TRAF1: variants seen among roughly 807,000 people sequenced by gnomAD.
TRAF1 encodes the protein TNF receptor-associated factor 1.
Under a neutral mutation model 40.9 loss-of-function variants are expected in TRAF1, and 23 were observed. The ratio of observed to expected loss-of-function variants is 0.56; its 90% CI spans 0.40 to 0.80. The LOEUF is 0.80. TRAF1 is among the 30% of genes least tolerant of loss of function. The probability of loss-of-function intolerance (pLI) is 0.00; values close to 1 mark genes in which losing one functional copy is unlikely to be tolerated. For synonymous variants in TRAF1, 206 were observed against 218.8 expected, an observed-to-expected ratio of 0.94 and a Z score of 0.52; for missense variants, 477 against 528.7, an observed-to-expected ratio of 0.90 and a Z score of 0.96.
rs1367393179 is a variant in TRAF1 at position 120,903,025 on chromosome 9, C to T, written c.*1995G>A. The T allele has an allele frequency of 6.6e-6, 1 of 152,112 alleles. No homozygotes were observed. Among genetic ancestry groups the T allele is most frequent in the Non-Finnish European group, 1.5e-5 (1 of 68,042 alleles). The allele number at this position is 152,112 out of a possible 1,614,324, so 9.4% of individuals were successfully genotyped here. ...CTCATGGGGGCTTGTTCTACAAATC[C>T]CCCCTTGGGCTCAACACTCGGTGAG... On this transcript the variant is annotated 3_prime_UTR_variant, in exon 8 of 8. Transcript: ENST00000373887.
chr9:120,919,652 C>A (rs117496807), intron 3 of TRAF1, among the ~76,000 whole-genome samples: 1 of 152,182 alleles, frequency 6.6e-6, no homozygotes, highest in South Asian at 2.1e-4. Context: ...ACTGTCCGCC[C>A]GTTCCTGCCC....
intron 3 of TRAF1, among the ~76,000 whole-genome samples, chr9:120,916,381 T>C (rs2046569714): frequency 1.3e-5 from 2 of 152,160 alleles, no homozygotes; most frequent in Admixed American, 6.5e-5. Context: ...GGCGGTTACA[T>C]GATTATTTAT....
Position 120,909,298 on chromosome 9 carries a change from G to C in TRAF1, c.964C>G (p.Leu322Val). The change falls in exon 7 of 8, where the codon CTG becomes GTG. Residue 322 changes from leucine to valine, a missense_variant. Physicochemically the swap from Leu to Val is conservative, Grantham distance 32. Coordinates refer to ENST00000373887, the MANE Select transcript of TRAF1 (RefSeq NM_005658.5). Reference protein sequence around the residue: ...NGDGTGKRTHLSLFIVIMRGE... With the variant: ...NGDGTGKRTHVSLFIVIMRGE... The stretch of plus-strand genomic sequence containing the variant: ...CTCATGATCACGATGAAGAGCGACA[G>C]ATGGGTTCTCTTTCCAGTGCCATCT... 1 of 1,614,212 alleles carries C rather than the reference G, an allele frequency of 6.2e-7. No individual in the cohort carries two copies. The highest frequency in any genetic ancestry group is 1.3e-5 in the African/African-American group (1 of 75,068).
chr9:120,915,973 A>G (rs555448685), intron 3 of TRAF1, among the ~76,000 whole-genome samples: 19 of 152,240 alleles, frequency 1.2e-4, no homozygotes, highest in Non-Finnish European at 2.6e-4. Context: ...ACTCCTAGGA[A>G]TTTACCTAAG....
At position 120,903,919 on chromosome 9, in the gene TRAF1, G is replaced by A. The variant is rs534577253; in HGVS notation, c.*1101C>T. 6.6e-6 allele frequency: 1 copy of A among 152,314 alleles called. No individual in the cohort carries two copies. Among genetic ancestry groups the A allele is most frequent in the South Asian group, 2.1e-4 (1 of 4,824 alleles). 9.4% of individuals were successfully genotyped at this position (152,314 alleles called of 1,614,324 possible). On this transcript the variant is annotated 3_prime_UTR_variant, in exon 8 of 8. Transcript: ENST00000373887. ...ACTCAGCAATGGCCTTTTCAAACCT[G>A]GCTCAGTACAAACAACTCCCAAACC...
intron 5 of TRAF1, among the ~76,000 whole-genome samples, chr9:120,913,057 T>C (rs550051713): frequency 6.6e-6 from 1 of 152,256 alleles, no homozygotes; most frequent in East Asian, 1.9e-4. Context: ...GAGTGGAATA[T>C]GTCCTGCACT....
rs2046640250 is a variant in TRAF1 at position 120,926,261 on chromosome 9, C to G, written c.-186G>C. 1.9e-6 allele frequency: 1 copy of G among 535,084 alleles called. No homozygotes were observed. Among genetic ancestry groups the G allele is most frequent in the Non-Finnish European group, 3.0e-6 (1 of 329,842 alleles). The allele number at this position is 535,084 out of a possible 1,614,324, so 33.1% of individuals were successfully genotyped here. On this transcript the variant is annotated 5_prime_UTR_variant, in exon 2 of 8. Transcript: ENST00000373887. ...CACAGCAGGGATGGAGCAGGAATTA[C>G]CCTTTGTGGCGATAAAAATCCCCTG...
chr9:120,911,590 T>C (rs1315377814), intron 5 of TRAF1, 77 bp from the exon 6 acceptor site: 3 of 1,528,086 alleles, frequency 2.0e-6, no homozygotes, highest in Non-Finnish European at 2.7e-6. Context: ...ATGTGGAGAT[T>C]GATCTGCCCC....
chr9:120,907,017 C>G (rs2046488114), intron 7 of TRAF1, among the ~76,000 whole-genome samples: 1 of 152,146 alleles, frequency 6.6e-6, no homozygotes, highest in African/African-American at 2.4e-5. Flanking sequence ...TACAGGCACA[C>G]ATCACAATGC....
intron 5 of TRAF1, among the ~76,000 whole-genome samples, chr9:120,912,500 CA>C (rs2046535283): frequency 6.6e-6 from 1 of 151,862 alleles, no homozygotes; most frequent in Non-Finnish European, 1.5e-5. Context: ...ACTAAAAATA[CA>C]AAAAATTTAG....
intron 3 of TRAF1, among the ~76,000 whole-genome samples, chr9:120,923,066 T>C (rs1044786220): frequency 3.9e-5 from 6 of 152,170 alleles, no homozygotes; most frequent in African/African-American, 1.4e-4. Context: ...ATCAAACTCC[T>C]GGGCTCAAGC....
At chr9:120,906,048 T>A (rs4837799) in intron 7 of TRAF1, among the ~76,000 whole-genome samples, 13 of 152,018 alleles carry the variant, frequency 8.6e-5, no homozygotes, top group African/African-American at 2.4e-4. Context: ...GCGGCACACC[T>A]GCCCTGCCCC....
chr9:120,913,788 A>G (rs774902574), intron 4 of TRAF1, 50 bp from the exon 5 acceptor site: 7 of 1,509,722 alleles, frequency 4.6e-6, no homozygotes, highest in Admixed American at 4.4e-5. Context: ...GAGTGAGGAC[A>G]GGGGAGCAGT....
At chr9:120,919,991 A>G (rs1036702136) in intron 3 of TRAF1, among the ~76,000 whole-genome samples, 9 of 152,182 alleles carry the variant, frequency 5.9e-5, no homozygotes, top group African/African-American at 1.4e-4. Context: ...AATATTACCT[A>G]TTGGTAAAAT....
At chr9:120,916,031 T>C (rs2046567071) in intron 3 of TRAF1, among the ~76,000 whole-genome samples, 2 of 152,250 alleles carry the variant, frequency 1.3e-5, no homozygotes, top group Non-Finnish European at 2.9e-5. Flanking sequence ...TGAATGTTCA[T>C]GGCGGCTTTG....
At chr9:120,909,859 C>T (rs927901813) in intron 6 of TRAF1, among the ~76,000 whole-genome samples, 1 of 152,226 alleles carries the variant, frequency 6.6e-6, no homozygotes, top group African/African-American at 2.4e-5. Flanking sequence ...TTTCTTTCTG[C>T]TGCCCTATGC....
chr9:120,906,338 C>T (rs2046482706), intron 7 of TRAF1, among the ~76,000 whole-genome samples: 2 of 152,038 alleles, frequency 1.3e-5, no homozygotes, highest in Non-Finnish European at 2.9e-5. Context: ...TACCACTATG[C>T]CCAGATAATT....
In TRAF1 at chr9:120,905,274, C is replaced by T. The variant is rs373197541; in HGVS notation, c.1033-36G>A. On this transcript the variant is annotated intron_variant, in intron 7 of 7. Coordinates refer to ENST00000373887, the MANE Select transcript of TRAF1 (RefSeq NM_005658.5). The stretch of plus-strand genomic sequence containing the variant: ...GGGATAGGTGGGAGATCAGGCCCTA[C>T]AGCAGCAGCGCAGCTTGGAGGCCCA... The T allele has an allele frequency of 5.1e-5, 80 of 1,566,470 alleles. No homozygotes were observed. In the African/African-American group the frequency reaches 9.9e-4, roughly 19 times the overall value.
chr9:120,907,081 C>T (rs113005092), intron 7 of TRAF1, among the ~76,000 whole-genome samples: 523 of 152,100 alleles, frequency 3.4e-3, no homozygotes, highest in African/African-American at 0.011. Flanking sequence ...TGGCTGGCCT[C>T]GAACTCCTGG....
Sources: allele counts gnomAD v4.1 joint callset (sites outside exome capture counted in the v4.1 genomes callset), GRCh38; gene constraint gnomAD v4.1.1; transcripts MANE v1.5; gene names NCBI Gene and HGNC (gene_info 2026-07-23, HGNC 2026-07-21).